Variants in DCK observed in about 807,000 individuals in gnomAD.
The protein encoded by DCK is deoxyadenosine kinase.
Under a neutral mutation model 38.3 loss-of-function variants are expected in DCK, and 23 were observed. The observed-to-expected ratio is 0.60, with a 90% CI of 0.43 to 0.85. The LOEUF (loss-of-function observed/expected upper bound fraction) is 0.85, where lower values mean the gene tolerates loss of function less well. Among genes scored for constraint, DCK ranks in the 40% least tolerant of loss-of-function variants. The pLI is 0.00. For synonymous variants in DCK, 108 were observed against 100.6 expected, an observed-to-expected ratio of 1.07 and a Z score of -0.44; for missense variants, 259 against 304.4, an observed-to-expected ratio of 0.85 and a Z score of 1.11.
At chr4:71,004,228 C>G (rs1739881018) in intron 2 of DCK, among the ~76,000 whole-genome samples, 1 of 152,214 alleles carries the variant, frequency 6.6e-6, no homozygotes. Context: ...TGCTGCAAGT[C>G]TGCTGGAGTT....
intron 2 of DCK, among the ~76,000 whole-genome samples, chr4:71,013,089 G>A (rs1359799742): frequency 6.6e-6 from 1 of 152,162 alleles, no homozygotes; most frequent in Non-Finnish European, 1.5e-5. Flanking sequence ...TGAAAACCAT[G>A]GCACGAGAAC....
intron 2 of DCK, chr4:71,006,401 C>A: frequency 2.7e-6 from 1 of 373,048 alleles, no homozygotes; most frequent in Non-Finnish European, 3.7e-6. Flanking sequence ...CTAAGATTTT[C>A]GTTTCTGGAG....
At chr4:71,015,989 A>C (rs1215065181) in intron 2 of DCK, among the ~76,000 whole-genome samples, 1 of 152,220 alleles carries the variant, frequency 6.6e-6, no homozygotes, top group Non-Finnish European at 1.5e-5. Flanking sequence ...GAGGAAGTCA[A>C]ATTGTCCCTG....
At chr4:71,005,230 C>T (rs886542642) in intron 2 of DCK, among the ~76,000 whole-genome samples, 49 of 152,004 alleles carry the variant, frequency 3.2e-4, no homozygotes, top group African/African-American at 1.1e-3. Context: ...AGTTCCCCCA[C>T]CCCTTTCACC....
At chr4:70,996,774 T>G (rs1739668960) in intron 1 of DCK, among the ~76,000 whole-genome samples, 1 of 152,222 alleles carries the variant, frequency 6.6e-6, no homozygotes, top group Admixed American at 6.5e-5. Flanking sequence ...AATGTTCCCT[T>G]ATGTTAGATT....
chr4:71,021,112 A>G (rs1187767414), intron 2 of DCK, among the ~76,000 whole-genome samples: 1 of 130,462 alleles, frequency 7.7e-6, no homozygotes, highest in African/African-American at 3.0e-5. Context: ...TCTGTCGCCC[A>G]GGCTGGACTG....
intron 2 of DCK, among the ~76,000 whole-genome samples, chr4:71,008,131 T>C (rs1739995368): frequency 6.6e-6 from 1 of 152,224 alleles, no homozygotes; most frequent in African/African-American, 2.4e-5. Flanking sequence ...AGCATTGCTG[T>C]GAACATAAAT....
At chr4:71,015,438 C>G (rs1740235606) in intron 2 of DCK, among the ~76,000 whole-genome samples, 4 of 152,314 alleles carry the variant, frequency 2.6e-5, no homozygotes, top group Admixed American at 1.3e-4. Context: ...TTTTATGAGG[C>G]CAGTATCATT....
intron 2 of DCK, among the ~76,000 whole-genome samples, chr4:71,008,561 A>G (rs954942716): frequency 6.6e-6 from 1 of 152,032 alleles, no homozygotes; most frequent in Non-Finnish European, 1.5e-5. Flanking sequence ...TCTAAAAGCA[A>G]CTCTTTTTCC....
intron 2 of DCK, among the ~76,000 whole-genome samples, chr4:71,011,754 A>G (rs1264827951): frequency 6.6e-6 from 1 of 152,228 alleles, no homozygotes; most frequent in Non-Finnish European, 1.5e-5. Context: ...GATTAGACCT[A>G]GAATTAAAAG....
intron 2 of DCK, among the ~76,000 whole-genome samples, chr4:71,005,324 A>G (rs1739913268): frequency 6.6e-6 from 1 of 151,430 alleles, no homozygotes; most frequent in African/African-American, 2.4e-5. Flanking sequence ...AATGAGATGA[A>G]TTGGGTACTT....
In DCK at chr4:70,998,077, G is replaced by A; in HGVS notation, c.102G>A (p.Lys34=). ...ISIEGNIAAG[K]STFVNILKQL... ...CTTTCCTCACAACAGCTGCAGGGAA[G>A]TCAACATTTGTGAATATCCTTAAAC... The change falls in exon 2 of 7, where the codon AAG becomes AAA. Residue 34 remains lysine, a synonymous_variant. Coordinates refer to ENST00000286648, the MANE Select transcript of DCK (RefSeq NM_000788.3). The A allele has an allele frequency of 6.4e-7, 1 of 1,573,324 alleles. No individual in the cohort carries two copies. Among genetic ancestry groups the A allele is most frequent in the African/African-American group, 1.4e-5 (1 of 73,852 alleles).
intron 2 of DCK, among the ~76,000 whole-genome samples, chr4:71,012,719 G>A (rs1051764897): frequency 1.3e-5 from 2 of 152,088 alleles, no homozygotes; most frequent in Admixed American, 6.5e-5. Context: ...GCTGTTAGAA[G>A]GAAAACTAAC....
chr4:71,026,223 CAGAA>C (rs1740544050), intron 5 of DCK, among the ~76,000 whole-genome samples: 1 of 152,028 alleles, frequency 6.6e-6, no homozygotes, highest in Admixed American at 6.6e-5. Flanking sequence ...GGTACTCTTT[CAGAA>C]AGAATTTTGA....
chr4:70,999,410 C>T (rs535844833), intron 2 of DCK, among the ~76,000 whole-genome samples: 34 of 152,286 alleles, frequency 2.2e-4, no homozygotes, highest in Non-Finnish European at 4.6e-4. Context: ...TTTTGTTTAT[C>T]CAGTCTATCA....
At position 71,007,710 on chromosome 4, in the gene DCK, G is replaced by GT. The variant is rs530824071; in HGVS notation, c.207+9534dup. Among the ~76,000 whole-genome samples the GT allele has an allele frequency of 3.7e-4, 56 of 152,136 alleles. 1 individual carries two copies. Among genetic ancestry groups the GT allele is most frequent in the African/African-American group, 1.3e-3 (52 of 41,516 alleles). On this transcript the variant is annotated intron_variant, in intron 2 of 6. Transcript: ENST00000286648. The stretch of plus-strand genomic sequence containing the variant: ...TTTCAGCTATATAGTATTGAATTTT[G>GT]TTTTTTAAAAATATTCTTTTTTTTG...
chr4:71,001,382 G>A (rs944624009), intron 2 of DCK, among the ~76,000 whole-genome samples: 2 of 152,110 alleles, frequency 1.3e-5, no homozygotes, highest in African/African-American at 4.8e-5. Context: ...TACTGGATTC[G>A]GTTTGCCAGT....
Position 70,993,929 on chromosome 4 carries a change from A to C in DCK, c.91+3A>C, listed in dbSNP as rs1012483698. ...AATCTCCATCGAAGGGAACATCGGT[A>C]AGGAGCCTCCGGAAATGTGGGACGC... On this transcript the variant is annotated splice_donor_region_variant and intron_variant, in intron 1 of 6. Transcript: ENST00000286648. The C allele has an allele frequency of 4.4e-6, 7 of 1,608,158 alleles. No individual in the cohort carries two copies. In the South Asian group the frequency reaches 7.7e-5, roughly 18 times the overall value.
chr4:71,006,578 C>T (rs1301708409), intron 2 of DCK, among the ~76,000 whole-genome samples: 1 of 152,106 alleles, frequency 6.6e-6, no homozygotes, highest in South Asian at 2.1e-4. Context: ...GAGGCTGAGG[C>T]CAGAGGATCG....
Sources: allele counts gnomAD v4.1 joint callset (sites outside exome capture counted in the v4.1 genomes callset), GRCh38; gene constraint gnomAD v4.1.1; transcripts MANE v1.5; gene names NCBI Gene and HGNC (gene_info 2026-07-23, HGNC 2026-07-21).